The following PARG variants were observed in gnomAD, a reference collection of about 807,000 sequenced individuals.
PARG encodes mitochondrial poly(ADP-ribose) glycohydrolase.
In PARG, 35 loss-of-function variants were observed where a neutral mutation model predicts 113.0. The observed-to-expected ratio is 0.31, with a 90% CI of 0.24 to 0.41. The LOEUF (loss-of-function observed/expected upper bound fraction) is 0.41. Among genes scored for constraint, PARG ranks in the 10% least tolerant of loss-of-function variants. The pLI is 1.00. For synonymous variants in PARG, 330 were observed against 409.9 expected (o/e 0.81, Z 2.36); for missense variants, 797 against 1,169.4 (o/e 0.68, Z 4.64).
At chr10:49,846,201 TACGCTA>T (rs1845499486) in intron 13 of PARG, among the ~76,000 whole-genome samples, 1 of 151,082 alleles carries the variant, frequency 6.6e-6, no homozygotes, top group Admixed American at 6.6e-5. Context: ...GATCTCACAT[TACGCTA>T]AGCAAAAGCA....
At chr10:49,896,409 C>T (rs1338027510) in intron 7 of PARG, among the ~76,000 whole-genome samples, 4 of 152,070 alleles carry the variant, frequency 2.6e-5, no homozygotes, top group Admixed American at 2.0e-4. Context: ...CTCAGCCTCC[C>T]AAGTAGCTGG....
intron 16 of PARG, among the ~76,000 whole-genome samples, chr10:49,832,052 A>G (rs1844696452): frequency 6.6e-6 from 1 of 152,248 alleles, no homozygotes; most frequent in Non-Finnish European, 1.5e-5. Context: ...AGTTGGGATG[A>G]AATGGAAAAG....
At chr10:49,850,571 AC>A (rs1201196106) in intron 13 of PARG, among the ~76,000 whole-genome samples, 1 of 151,888 alleles carries the variant, frequency 6.6e-6, no homozygotes, top group African/African-American at 2.4e-5. Flanking sequence ...AGCAAGGACT[AC>A]TCCTTCTTTT....
intron 15 of PARG, among the ~76,000 whole-genome samples, chr10:49,839,818 G>A (rs1022026794): frequency 3.9e-5 from 6 of 152,192 alleles, no homozygotes; most frequent in African/African-American, 1.4e-4. Context: ...TTGTATTCAT[G>A]TATTAACTGT....
At chr10:49,849,443 C>T (rs1181648832) in intron 13 of PARG, among the ~76,000 whole-genome samples, 1 of 149,838 alleles carries the variant, frequency 6.7e-6, no homozygotes, top group Admixed American at 6.7e-5. Flanking sequence ...TTCTGTGCTT[C>T]AAAAGTCACT....
At chr10:49,852,856 C>T (rs375289986) in intron 13 of PARG, among the ~76,000 whole-genome samples, 11 of 150,090 alleles carry the variant, frequency 7.3e-5, no homozygotes, top group South Asian at 4.3e-4. Flanking sequence ...TGAGCCACCT[C>T]GCCCAGCCCA....
chr10:49,834,554 T>C (rs971985335), intron 15 of PARG, among the ~76,000 whole-genome samples: 24 of 152,122 alleles, frequency 1.6e-4, no homozygotes, highest in South Asian at 2.1e-4. Context: ...TCTTGAAAAA[T>C]GGCCATAAAA....
chr10:49,829,386 T>C (rs1222531440), intron 16 of PARG, among the ~76,000 whole-genome samples: 1 of 152,162 alleles, frequency 6.6e-6, no homozygotes, highest in East Asian at 1.9e-4. Flanking sequence ...GCGCATACCA[T>C]TGTGCTCAGC....
chr10:49,841,461 A>T (rs1281740627), intron 15 of PARG, among the ~76,000 whole-genome samples: 2 of 152,212 alleles, frequency 1.3e-5, no homozygotes, highest in African/African-American at 2.4e-5. Context: ...TCTGTAATAA[A>T]AAAGAAAAAA....
intron 15 of PARG, among the ~76,000 whole-genome samples, chr10:49,839,257 T>A (rs1236247566): frequency 6.6e-6 from 1 of 151,654 alleles, no homozygotes; most frequent in African/African-American, 2.4e-5. Context: ...GAATCACTTG[T>A]ACCCGGGAGG....
At chr10:49,848,843 T>C (rs1462613395) in intron 13 of PARG, among the ~76,000 whole-genome samples, 4 of 152,174 alleles carry the variant, frequency 2.6e-5, no homozygotes, top group Admixed American at 2.6e-4. Context: ...GGAAGAATTA[T>C]ACAATGAAAA....
intron 9 of PARG, among the ~76,000 whole-genome samples, chr10:49,878,866 A>C (rs1247953461): frequency 2.6e-5 from 4 of 151,450 alleles, no homozygotes; most frequent in Admixed American, 2.6e-4. Flanking sequence ...AAATCAGGGA[A>C]GAAAACTCAT....
chr10:49,819,939 G>A (rs1843987962), intron 17 of PARG, among the ~76,000 whole-genome samples: 1 of 152,116 alleles, frequency 6.6e-6, no homozygotes, highest in South Asian at 2.1e-4. Flanking sequence ...TCAGCTTCTT[G>A]ACCTTACTTT....
At chr10:49,860,166 C>T (rs1846187173) in intron 12 of PARG, among the ~76,000 whole-genome samples, 1 of 152,170 alleles carries the variant, frequency 6.6e-6, no homozygotes, top group South Asian at 2.1e-4. Flanking sequence ...AGCAAGAAGC[C>T]CTTACGGTAT....
Position 49,901,069 on chromosome 10 carries a change from T to A in PARG, c.1737+14848A>T, listed in dbSNP as rs533238683. On this transcript the variant is annotated intron_variant, in intron 7 of 17. Transcript: ENST00000616448. ...TATACTTTTAAATAATTAGCAGGTT[T>A]TTTCAACTCTAAGAAGTACCCTGAA... 3.3e-5 allele frequency among the ~76,000 whole-genome samples: 5 copies of A among 151,114 alleles called. No individual in the cohort carries two copies. The East Asian group carries it at 9.7e-4, about 29-fold the overall frequency.
chr10:49,869,369 T>C (rs1319668739), intron 10 of PARG, 107 bp downstream of exon 10: 8 of 671,664 alleles, frequency 1.2e-5, no homozygotes, highest in Admixed American at 4.6e-5. Context: ...TTCAATGTGG[T>C]TGGGACAGGA....
At chr10:49,917,834 G>GA (rs1564656241) in intron 6 of PARG, among the ~76,000 whole-genome samples, 5 of 70,528 alleles carry the variant, frequency 7.1e-5, no homozygotes, top group Admixed American at 1.8e-4. Flanking sequence ...AAAAAAAAAA[G>GA]AAAGAAAAAA....
At chr10:49,926,091 G>C (rs1554850522) in intron 4 of PARG, among the ~76,000 whole-genome samples, 1 of 152,224 alleles carries the variant, frequency 6.6e-6, no homozygotes, top group African/African-American at 2.4e-5. Flanking sequence ...AAAGGGGAAG[G>C]CATGTCTGTA....
At position 49,824,619 on chromosome 10, in the gene PARG, ATACTCACACCACAAGTG is replaced by A. The variant is rs1282774499; in HGVS notation, c.2648-4343_2648-4327del. Among the ~76,000 whole-genome samples the A allele has an allele frequency of 5.3e-5, 8 of 152,278 alleles. No homozygotes were observed. In the East Asian group the frequency reaches 1.5e-3, roughly 29 times the overall value. On this transcript the variant is annotated intron_variant, in intron 16 of 17. Transcript: ENST00000616448. Reference sequence around the variant, plus strand: ...AAGCACAAAATGGGTAAGATGATTGATACTCACACCACAAGTGTGGTGTGAGGCCACCAGCATGTAAT... The same window carrying A: ...AAGCACAAAATGGGTAAGATGATTGATGGTGTGAGGCCACCAGCATGTAAT...
Sources: gnomAD v4.1 joint callset for allele counts (sites outside exome capture counted in the v4.1 genomes callset) on GRCh38, gnomAD v4.1.1 for gene constraint, MANE v1.5 for transcripts, NCBI Gene and HGNC (gene_info 2026-07-23, HGNC 2026-07-21) for gene names.